Variants in CRCP observed in about 807,000 individuals in gnomAD.
CRCP encodes the protein CGRP receptor component.
A neutral mutation model predicts 18.5 loss-of-function variants in CRCP; 18 were observed. That is an observed-to-expected ratio of 0.97 (90% confidence interval 0.67 to 1.44). The LOEUF is 1.44. Among genes scored for constraint, CRCP ranks in the 40% most tolerant of loss-of-function variants. The probability of loss-of-function intolerance (pLI) is 0.00; values close to 1 mark genes in which losing one functional copy is unlikely to be tolerated. For missense variants in CRCP, 130 were observed against 176.4 expected (o/e 0.74, Z 1.49); for synonymous variants, 53 against 62.9 (o/e 0.84, Z 0.75).
At chr7:66,132,481 C>T (rs1381214029) in intron 3 of CRCP, among the ~76,000 whole-genome samples, 1 of 152,190 alleles carries the variant, frequency 6.6e-6, no homozygotes, top group Non-Finnish European at 1.5e-5. Context: ...GTAATCTCCC[C>T]TTCTCGTGTC....
rs547919598 is a variant in CRCP, at chr7:66,139,268, G to A, written c.239+4894G>A. Among the ~76,000 whole-genome samples the A allele has an allele frequency of 5.9e-5, 9 of 152,232 alleles. No individual in the cohort carries two copies. The South Asian group carries it at 1.9e-3, about 32-fold the overall frequency. ...TGCACAGATTGTTCTGGCATCTTCCGTTATCAAGCCTACCAGTGAATTTTT... is the reference window on the plus strand; with the variant it reads ...TGCACAGATTGTTCTGGCATCTTCCATTATCAAGCCTACCAGTGAATTTTT... On this transcript the variant is annotated intron_variant, in intron 4 of 5. Transcript: ENST00000395326.
At chr7:66,132,690 C>T (rs1444287822) in intron 3 of CRCP, among the ~76,000 whole-genome samples, 5 of 151,784 alleles carry the variant, frequency 3.3e-5, no homozygotes, top group African/African-American at 7.3e-5. Flanking sequence ...CCGAGGCAGG[C>T]GGATCACAAG....
chr7:66,125,087 CTG>C lies in CRCP; in HGVS notation c.9-2615_9-2614del, dbSNP rs1787580950. 1.3e-5 allele frequency among the ~76,000 whole-genome samples: 2 copies of C among 149,380 alleles called. 1 individual carries two copies. The highest frequency in any genetic ancestry group is 3.0e-5 in the Non-Finnish European group (2 of 66,794). On this transcript the variant is annotated intron_variant, in intron 1 of 5. Coordinates refer to ENST00000395326, the MANE Select transcript of CRCP (RefSeq NM_014478.5). ...AAATTTAACCCAGTTGTTTTGAAGACTGTTCCTCAATTTGGAATTCTCTGATT... is the reference window on the plus strand; with the variant it reads ...AAATTTAACCCAGTTGTTTTGAAGACTTCCTCAATTTGGAATTCTCTGATT...
chr7:66,147,769 A>G (rs943819646), intron 5 of CRCP, among the ~76,000 whole-genome samples: 9 of 152,168 alleles, frequency 5.9e-5, no homozygotes, highest in African/African-American at 2.2e-4. Context: ...ATAAGAAATG[A>G]AAGCTGTGGC....
At chr7:66,138,396 A>G (rs886613923) in intron 4 of CRCP, among the ~76,000 whole-genome samples, 1 of 151,584 alleles carries the variant, frequency 6.6e-6, no homozygotes, top group Middle Eastern at 3.2e-3. Context: ...ATAATTAATT[A>G]AAAAAAAATT....
intron 4 of CRCP, among the ~76,000 whole-genome samples, chr7:66,143,866 A>G (rs1164050393): frequency 6.6e-6 from 1 of 152,240 alleles, no homozygotes; most frequent in African/African-American, 2.4e-5. Context: ...GCCTCTGGAA[A>G]GATTTTCATC....
chr7:66,144,807 A>G (rs894251667), intron 4 of CRCP, among the ~76,000 whole-genome samples: 2 of 152,290 alleles, frequency 1.3e-5, no homozygotes, highest in South Asian at 4.1e-4. Flanking sequence ...GGTACTTTCT[A>G]TAATTTGGAT....
chr7:66,131,789 C>T (rs374440547), intron 3 of CRCP, among the ~76,000 whole-genome samples: 23 of 147,818 alleles, frequency 1.6e-4, no homozygotes, highest in African/African-American at 5.5e-4. Context: ...TTTTTTGAGA[C>T]GGATTCTCGC....
intron 1 of CRCP, chr7:66,119,461 C>G (rs78823392): frequency 6.6e-6 from 1 of 152,152 alleles, no homozygotes; most frequent in African/African-American, 2.4e-5. Context: ...TGAAGCCCGC[C>G]GTTGAGAAGT....
intron 5 of CRCP, among the ~76,000 whole-genome samples, chr7:66,149,203 T>C (rs1788384851): frequency 6.6e-6 from 1 of 152,182 alleles, no homozygotes; most frequent in Non-Finnish European, 1.5e-5. Flanking sequence ...TACTTCTTTA[T>C]TTGGACTGTT....
chr7:66,151,161 C>T (rs1378027196), intron 5 of CRCP, among the ~76,000 whole-genome samples: 1 of 152,146 alleles, frequency 6.6e-6, no homozygotes, highest in Non-Finnish European at 1.5e-5. Context: ...GCTCCAGACA[C>T]ATGGGAGGCC....
chr7:66,124,494 TCCTCCCTC>T (rs1554332416), intron 1 of CRCP, among the ~76,000 whole-genome samples: 1 of 143,522 alleles, frequency 7.0e-6, no homozygotes, highest in South Asian at 2.4e-4. Flanking sequence ...TTTCCCTCCC[TCCTCCCTC>T]CCTCCCTCCC....
chr7:66,147,301 T>A (rs1788326797), intron 5 of CRCP, among the ~76,000 whole-genome samples: 1 of 148,456 alleles, frequency 6.7e-6, no homozygotes, highest in Admixed American at 6.8e-5. Context: ...ATTGCACCAC[T>A]GCACTCCAGC....
At position 66,128,913 on chromosome 7, in the gene CRCP, A is replaced by G. The variant is rs1787699402; in HGVS notation, c.45+1173A>G. 1.3e-5 allele frequency among the ~76,000 whole-genome samples: 2 copies of G among 152,118 alleles called. 1 individual carries two copies. Among genetic ancestry groups the G allele is most frequent in the South Asian group, 4.1e-4 (2 of 4,824 alleles). Reference sequence around the variant, plus strand: ...GAAAGACTCAGGAGGTCTAGAAGGTAGTAGGTTAAGTGCAGTGTCTCACGC... The same window carrying G: ...GAAAGACTCAGGAGGTCTAGAAGGTGGTAGGTTAAGTGCAGTGTCTCACGC... On this transcript the variant is annotated intron_variant, in intron 2 of 5. Transcript: ENST00000395326.
chr7:66,150,156 C>T (rs1451455033), intron 5 of CRCP, among the ~76,000 whole-genome samples: 1 of 151,172 alleles, frequency 6.6e-6, no homozygotes, highest in Non-Finnish European at 1.5e-5. Context: ...TGGCTAACTC[C>T]TGTAATCCCA....
Position 66,121,305 on chromosome 7 carries a change from C to T in CRCP, c.8+6335C>T, listed in dbSNP as rs541592347. On this transcript the variant is annotated intron_variant, in intron 1 of 5. Transcript: ENST00000395326. ...AGCTCAGGTGATTCTACCGCCTCGG[C>T]CTCCGAAAGTGCTGGGATTACAGGC... is the stretch of plus-strand genomic sequence containing the variant. 1.6e-4 allele frequency among the ~76,000 whole-genome samples: 25 copies of T among 152,150 alleles called. 1 individual carries two copies. Among genetic ancestry groups the T allele is most frequent in the African/African-American group, 5.8e-4 (24 of 41,512 alleles).
chr7:66,127,494 G>A (rs1235287551), intron 1 of CRCP, among the ~76,000 whole-genome samples: 1 of 152,176 alleles, frequency 6.6e-6, no homozygotes, highest in African/African-American at 2.4e-5. Context: ...TGTGGGATGG[G>A]ACAGCACTTT....
At chr7:66,126,207 G>A (rs1039471907) in intron 1 of CRCP, among the ~76,000 whole-genome samples, 7 of 149,136 alleles carry the variant, frequency 4.7e-5, no homozygotes, top group African/African-American at 1.7e-4. Context: ...GATGACCTAA[G>A]GCCGAGGTCT....
intron 4 of CRCP, among the ~76,000 whole-genome samples, chr7:66,137,565 A>G (rs1269890216): frequency 2.0e-5 from 3 of 152,238 alleles, no homozygotes; most frequent in African/African-American, 7.2e-5. Context: ...ACCATTAAGT[A>G]TGATGCTAGT....
Sources: gnomAD v4.1 joint callset for allele counts (sites outside exome capture counted in the v4.1 genomes callset) on GRCh38, gnomAD v4.1.1 for gene constraint, MANE v1.5 for transcripts, NCBI Gene and HGNC (gene_info 2026-07-23, HGNC 2026-07-21) for gene names.